ZNF385B: variants seen among roughly 807,000 people sequenced by gnomAD.
The protein encoded by ZNF385B is zinc finger protein 533.
In ZNF385B, 23 loss-of-function variants were observed where a neutral mutation model predicts 39.2. The observed-to-expected ratio is 0.59, with a 90% confidence interval of 0.42 to 0.83. The LOEUF (loss-of-function observed/expected upper bound fraction) is 0.83, where lower values mean the gene tolerates loss of function less well. Among genes scored for constraint, ZNF385B ranks in the 40% least tolerant of loss-of-function variants. ZNF385B has a pLI of 0.00. For missense variants in ZNF385B, 552 were observed against 598.9 expected (o/e 0.92, Z 0.82); for synonymous variants, 205 against 222.6 (o/e 0.92, Z 0.70).
At chr2:179,580,103 T>G (rs761406990) in intron 3 of ZNF385B, among the ~76,000 whole-genome samples, 5 of 152,180 alleles carry the variant, frequency 3.3e-5, no homozygotes, top group Admixed American at 6.6e-5. Flanking sequence ...TTCAATTTTC[T>G]AATATATAAA....
At chr2:179,458,635 A>C (rs2050966513) in intron 6 of ZNF385B, among the ~76,000 whole-genome samples, 3 of 152,200 alleles carry the variant, frequency 2.0e-5, no homozygotes, top group Admixed American at 6.5e-5. Context: ...GTATATATCT[A>C]TTAAAAAAAC....
At position 179,767,054 on chromosome 2, in the gene ZNF385B, G is replaced by A. The variant is rs572571365; in HGVS notation, c.298+2449C>T. Among the ~76,000 whole-genome samples the A allele has an allele frequency of 5.3e-5, 8 of 152,258 alleles. No individual in the cohort carries two copies. In the East Asian group the frequency reaches 1.5e-3, roughly 29 times the overall value. ...AATCCCCCAGCATTGAGGCATATGAGAACAGACGACACAATCTTGCCAGGA... is the reference window on the plus strand; with the variant it reads ...AATCCCCCAGCATTGAGGCATATGAAAACAGACGACACAATCTTGCCAGGA... On this transcript the variant is annotated intron_variant, in intron 3 of 9. Coordinates refer to ENST00000410066, the MANE Select transcript of ZNF385B (RefSeq NM_152520.6).
At chr2:179,688,253 C>G (rs1309071152) in intron 3 of ZNF385B, among the ~76,000 whole-genome samples, 1 of 152,196 alleles carries the variant, frequency 6.6e-6, no homozygotes, top group Non-Finnish European at 1.5e-5. Flanking sequence ...GGGATGTACA[C>G]AGAAGTTTAG....
chr2:179,767,492 T>A (rs181026070), intron 3 of ZNF385B, among the ~76,000 whole-genome samples: 281 of 152,240 alleles, frequency 1.8e-3, no homozygotes, highest in Non-Finnish European at 2.8e-3. Context: ...TAGAACCGAA[T>A]CTTCTAAATC....
chr2:179,446,841 G>A, intron 6 of ZNF385B, 71 bp from the exon 7 acceptor site: 1 of 1,494,510 alleles, frequency 6.7e-7, no homozygotes, highest in Non-Finnish European at 8.9e-7. Flanking sequence ...CACCATAGAT[G>A]AATTAAAAAT....
At chr2:179,474,536 C>G (rs1017382916) in intron 6 of ZNF385B, among the ~76,000 whole-genome samples, 1 of 152,024 alleles carries the variant, frequency 6.6e-6, no homozygotes, top group Non-Finnish European at 1.5e-5. Flanking sequence ...TTTCTAATAT[C>G]CATCAGAATA....
At chr2:179,508,166 A>G (rs1294278040) in intron 5 of ZNF385B, among the ~76,000 whole-genome samples, 2 of 152,182 alleles carry the variant, frequency 1.3e-5, no homozygotes, top group Non-Finnish European at 2.9e-5. Flanking sequence ...GCTCAAGCAT[A>G]CTGAATAAAA....
At chr2:179,561,575 C>T (rs750264796) in intron 3 of ZNF385B, among the ~76,000 whole-genome samples, 5 of 151,030 alleles carry the variant, frequency 3.3e-5, no homozygotes, top group South Asian at 2.1e-4. Context: ...GTTCTTAAGT[C>T]CTTTTCTGAT....
chr2:179,714,942 C>CAAAAAAAAA lies in ZNF385B; in HGVS notation c.298+54552_298+54560dup, dbSNP rs34449760. ...TGGGTAACAAAGCGAGATTCTATCTCAAAAAAAAAAAAAAAAAAACAGTTT... is the reference window on the plus strand; with the variant it reads ...TGGGTAACAAAGCGAGATTCTATCTCAAAAAAAAAAAAAAAAAAAAAAAAAAAACAGTTT... On this transcript the variant is annotated intron_variant, in intron 3 of 9. Transcript: ENST00000410066. Among the ~76,000 whole-genome samples, 22 of 79,242 alleles carry CAAAAAAAAA rather than the reference C, an allele frequency of 2.8e-4. 2 individuals are homozygous for CAAAAAAAAA. The highest frequency in any genetic ancestry group is 2.4e-3 in the East Asian group (3 of 1,252). 52.0% of individuals were successfully genotyped at this position (79,242 alleles called of 152,430 possible).
chr2:179,775,695 G>A (rs930561163), intron 1 of ZNF385B, among the ~76,000 whole-genome samples: 4 of 152,120 alleles, frequency 2.6e-5, no homozygotes, highest in African/African-American at 9.7e-5. Flanking sequence ...CAGCTTTGGA[G>A]GCACACTGCT....
intron 3 of ZNF385B, among the ~76,000 whole-genome samples, chr2:179,605,976 T>G (rs1688767762): frequency 6.6e-6 from 1 of 152,198 alleles, no homozygotes; most frequent in South Asian, 2.1e-4. Flanking sequence ...CAGTGAATTC[T>G]GAACTGTTTT....
chr2:179,801,048 T>G (rs568430316), intron 1 of ZNF385B, among the ~76,000 whole-genome samples: 1 of 152,200 alleles, frequency 6.6e-6, no homozygotes, highest in Non-Finnish European at 1.5e-5. Context: ...GCCTACACCT[T>G]CCATTTGGTA....
At chr2:179,711,342 T>G (rs1440929572) in intron 3 of ZNF385B, among the ~76,000 whole-genome samples, 1 of 152,210 alleles carries the variant, frequency 6.6e-6, no homozygotes, top group African/African-American at 2.4e-5. Flanking sequence ...CGTTATTTTT[T>G]TCTGTTGTTG....
intron 3 of ZNF385B, among the ~76,000 whole-genome samples, chr2:179,631,859 AAAAC>A (rs1691253355): frequency 6.8e-6 from 1 of 147,116 alleles, no homozygotes. Context: ...AAAAAACACA[AAAAC>A]AAACAAAAAA....
At chr2:179,758,491 G>A (rs1052264213) in intron 3 of ZNF385B, among the ~76,000 whole-genome samples, 1 of 152,120 alleles carries the variant, frequency 6.6e-6, no homozygotes, top group Non-Finnish European at 1.5e-5. Flanking sequence ...CACCCTCATG[G>A]CCTAATCACC....
intron 1 of ZNF385B, among the ~76,000 whole-genome samples, chr2:179,852,018 T>C (rs1684206346): frequency 6.6e-6 from 1 of 152,222 alleles, no homozygotes; most frequent in African/African-American, 2.4e-5. Flanking sequence ...AATTTAAACC[T>C]TGCTTATGTA....
chr2:179,484,355 C>T lies in ZNF385B; in HGVS notation c.553-921G>A, dbSNP rs564727090. 2.0e-5 allele frequency among the ~76,000 whole-genome samples: 3 copies of T among 151,552 alleles called. No individual in the cohort carries two copies. In the South Asian group the frequency reaches 6.3e-4, roughly 32 times the overall value. On this transcript the variant is annotated intron_variant, in intron 5 of 9. Transcript: ENST00000410066. ...TGAAAAGACTCTGAAAAAACATAAA[C>T]ATGTATTTAGTGAAAAGAAACAAAA...
intron 3 of ZNF385B, among the ~76,000 whole-genome samples, chr2:179,565,345 G>A (rs1418913721): frequency 6.6e-6 from 1 of 152,162 alleles, no homozygotes; most frequent in Non-Finnish European, 1.5e-5. Context: ...GAGGAGCTCT[G>A]AAGGAAATAA....
intron 3 of ZNF385B, among the ~76,000 whole-genome samples, chr2:179,652,883 C>G (rs1693330051): frequency 6.7e-6 from 1 of 148,598 alleles, no homozygotes; most frequent in Non-Finnish European, 1.5e-5. Context: ...TTAAGGATTT[C>G]TAGAAGAGTC....
Sources: gnomAD v4.1 joint callset for allele counts (sites outside exome capture counted in the v4.1 genomes callset) on GRCh38, gnomAD v4.1.1 for gene constraint, MANE v1.5 for transcripts, NCBI Gene and HGNC (gene_info 2026-07-23, HGNC 2026-07-21) for gene names.